The following KCNIP4 variants were observed in gnomAD, a reference collection of about 807,000 sequenced individuals.
KCNIP4 encodes Kv channel-interacting protein 4.
In KCNIP4, 12 loss-of-function variants were observed where a neutral mutation model predicts 34.0. The observed-to-expected ratio is 0.35, with a 90% CI of 0.23 to 0.57. The LOEUF (loss-of-function observed/expected upper bound fraction) is 0.57, where lower values mean the gene tolerates loss of function less well. Ranked by LOEUF, KCNIP4 falls within the 20% of genes least tolerant of loss-of-function variation. The pLI, the probability that KCNIP4 is intolerant of heterozygous loss-of-function variation, is 0.83. For synonymous variants in KCNIP4, 124 were observed against 102.2 expected (o/e 1.21, Z -1.29); for missense variants, 238 against 311.7 (o/e 0.76, Z 1.78).
chr4:21,840,204 G>C (rs1560753232), intron 1 of KCNIP4, among the ~76,000 whole-genome samples: 1 of 151,452 alleles, frequency 6.6e-6, no homozygotes, highest in Non-Finnish European at 1.5e-5. Flanking sequence ...TAAGATACTA[G>C]ATACAACTGT....
chr4:20,798,866 A>G (rs912842991), intron 3 of KCNIP4, among the ~76,000 whole-genome samples: 1 of 152,122 alleles, frequency 6.6e-6, no homozygotes, highest in Non-Finnish European at 1.5e-5. Context: ...AGCTCCCTAG[A>G]GTCACATGCT....
chr4:21,527,271 G>A (rs1446788168), intron 1 of KCNIP4, among the ~76,000 whole-genome samples: 2 of 152,132 alleles, frequency 1.3e-5, no homozygotes, highest in Non-Finnish European at 2.9e-5. Context: ...GAGACCCTCA[G>A]TTATTCTGAT....
At chr4:21,495,255 T>C (rs1476556499) in intron 1 of KCNIP4, among the ~76,000 whole-genome samples, 1 of 152,202 alleles carries the variant, frequency 6.6e-6, no homozygotes, top group Non-Finnish European at 1.5e-5. Flanking sequence ...TTTACTTCTC[T>C]GTTCTGGTAT....
At chr4:21,899,770 C>T (rs60554782) in intron 1 of KCNIP4, among the ~76,000 whole-genome samples, 35,589 of 151,962 alleles carry the variant, frequency 0.23, 4,526 homozygotes, top group Non-Finnish European at 0.29. Context: ...CTACAAAGCA[C>T]TGATGCAATA....
chr4:21,786,532 G>T (rs901001144), intron 1 of KCNIP4, among the ~76,000 whole-genome samples: 1 of 150,506 alleles, frequency 6.6e-6, no homozygotes, highest in African/African-American at 2.4e-5. Context: ...TATGTTATTT[G>T]TCTACATTGA....
intron 1 of KCNIP4, among the ~76,000 whole-genome samples, chr4:20,985,417 A>G (rs535945664): frequency 3.7e-4 from 56 of 152,302 alleles, no homozygotes; most frequent in Non-Finnish European, 7.5e-4. Context: ...CGTGGTAGAC[A>G]AATTAATCTA....
chr4:21,067,707 G>A lies in KCNIP4; in HGVS notation c.62-184998C>T, dbSNP rs548147909. On this transcript the variant is annotated intron_variant, in intron 1 of 8. Transcript: ENST00000382152. ...GACCCAGTGCTGTGCAGTCCCAGTG[G>A]TGGTGGCCATAGGGATGCTTGCATT... is the stretch of plus-strand genomic sequence containing the variant. Among the ~76,000 whole-genome samples, 13 of 152,250 alleles carry A rather than the reference G, an allele frequency of 8.5e-5. No individual in the cohort carries two copies. In the East Asian group the frequency reaches 2.3e-3, roughly 27 times the overall value.
At chr4:21,497,303 A>T (rs976205344) in intron 1 of KCNIP4, among the ~76,000 whole-genome samples, 11 of 152,184 alleles carry the variant, frequency 7.2e-5, no homozygotes, top group Non-Finnish European at 1.3e-4. Flanking sequence ...CTCAGTCTTC[A>T]GTAAGGGTTG....
At chr4:21,052,863 G>T (rs1428889288) in intron 1 of KCNIP4, among the ~76,000 whole-genome samples, 1 of 152,094 alleles carries the variant, frequency 6.6e-6, no homozygotes, top group Non-Finnish European at 1.5e-5. Flanking sequence ...GGGGCTGGAA[G>T]GGTGTAGGTT....
chr4:21,644,518 G>A (rs1489489740), intron 1 of KCNIP4, among the ~76,000 whole-genome samples: 1 of 152,146 alleles, frequency 6.6e-6, no homozygotes, highest in Non-Finnish European at 1.5e-5. Context: ...GAAACCTAAT[G>A]AAAGTGCAGC....
chr4:21,475,570 C>T (rs1052940078), intron 1 of KCNIP4, among the ~76,000 whole-genome samples: 1 of 152,108 alleles, frequency 6.6e-6, no homozygotes, highest in African/African-American at 2.4e-5. Flanking sequence ...ACACTTAGAG[C>T]ATATATTTAA....
intron 3 of KCNIP4, among the ~76,000 whole-genome samples, chr4:20,780,270 T>C (rs865982357): frequency 2.6e-5 from 4 of 152,150 alleles, no homozygotes; most frequent in South Asian, 4.1e-4. Context: ...AGGAATTAAG[T>C]AGTTTCAGGT....
At chr4:21,135,653 T>C (rs1386702673) in intron 1 of KCNIP4, among the ~76,000 whole-genome samples, 1 of 152,208 alleles carries the variant, frequency 6.6e-6, no homozygotes, top group African/African-American at 2.4e-5. Flanking sequence ...TACTGAAAAC[T>C]TATTTTTAAG....
intron 1 of KCNIP4, among the ~76,000 whole-genome samples, chr4:21,108,225 C>G (rs1225078617): frequency 1.3e-5 from 2 of 149,614 alleles, no homozygotes; most frequent in African/African-American, 2.5e-5. Context: ...CTCCCCGTCA[C>G]TTTCAGGTAC....
At chr4:21,316,897 G>A (rs1320320538) in intron 1 of KCNIP4, among the ~76,000 whole-genome samples, 1 of 152,168 alleles carries the variant, frequency 6.6e-6, no homozygotes, top group African/African-American at 2.4e-5. Context: ...GATACAGGCT[G>A]CCAAATTATT....
chr4:21,638,480 C>T (rs543663195), intron 1 of KCNIP4, among the ~76,000 whole-genome samples: 3 of 152,226 alleles, frequency 2.0e-5, no homozygotes, highest in South Asian at 4.1e-4. Flanking sequence ...GAAAAAGCTG[C>T]CATTTCAAAT....
chr4:20,768,893 T>A (rs1461194793), intron 3 of KCNIP4, among the ~76,000 whole-genome samples: 1 of 151,910 alleles, frequency 6.6e-6, no homozygotes, highest in Admixed American at 6.6e-5. Flanking sequence ...GGAAAAGGAA[T>A]GAGAGCTGGG....
At chr4:21,792,489 A>G (rs913257340) in intron 1 of KCNIP4, among the ~76,000 whole-genome samples, 1 of 152,246 alleles carries the variant, frequency 6.6e-6, no homozygotes, top group Admixed American at 6.5e-5. Context: ...TAAGTAAATA[A>G]TGGAACAGAT....
chr4:21,489,336 A>G (rs931015421), intron 1 of KCNIP4, among the ~76,000 whole-genome samples: 4 of 151,864 alleles, frequency 2.6e-5, no homozygotes, highest in Admixed American at 2.6e-4. Flanking sequence ...AAAAAAAAAA[A>G]AACTCCTTCC....
Sources: gnomAD v4.1 joint callset for allele counts (sites outside exome capture counted in the v4.1 genomes callset) on GRCh38, gnomAD v4.1.1 for gene constraint, MANE v1.5 for transcripts, NCBI Gene and HGNC (gene_info 2026-07-23, HGNC 2026-07-21) for gene names.